NGF: variants seen among roughly 807,000 people sequenced by gnomAD.
NGF encodes the protein beta-nerve growth factor.
NGF carries 4 observed loss-of-function variants against 12.8 expected under a neutral mutation model. The ratio of observed to expected loss-of-function variants is 0.31; its 90% confidence interval spans 0.15 to 0.72. The LOEUF (loss-of-function observed/expected upper bound fraction) is 0.72. Ranked by LOEUF, NGF falls within the 30% of genes least tolerant of loss-of-function variation. The probability of loss-of-function intolerance (pLI) is 0.69; values close to 1 mark genes in which losing one functional copy is unlikely to be tolerated. For missense variants in NGF, 283 were observed against 330.8 expected (o/e 0.86, Z 1.12); for synonymous variants, 140 against 130.0 (o/e 1.08, Z -0.52).
Position 115,317,532 on chromosome 1 carries a change from CA to C in NGF, c.-137+20671del, listed in dbSNP as rs1196348262. ...CTATGAAGTCTGGATGCAGAATTCT[CA>C]AGTCTGGAATTCCTCCCACACATGG... is the stretch of plus-strand genomic sequence containing the variant. On this transcript the variant is annotated intron_variant, in intron 1 of 2. Transcript: ENST00000369512. Among the ~76,000 whole-genome samples the C allele has an allele frequency of 2.0e-5, 3 of 152,300 alleles. No homozygotes were observed. The East Asian group carries it at 5.8e-4, about 29-fold the overall frequency.
intron 2 of NGF, among the ~76,000 whole-genome samples, chr1:115,291,718 G>A (rs76544010): frequency 1.3e-4 from 20 of 152,284 alleles, no homozygotes; most frequent in East Asian, 3.9e-4. Flanking sequence ...TAAATTTCTC[G>A]CACGAGGTGA....
At position 115,309,158 on chromosome 1, in the gene NGF, C is replaced by A. The variant is rs528376552; in HGVS notation, c.-136-15408G>T. Among the ~76,000 whole-genome samples, 11 of 152,262 alleles carry A rather than the reference C, an allele frequency of 7.2e-5. No individual in the cohort carries two copies. In the South Asian group the frequency reaches 1.7e-3, roughly 23 times the overall value. The stretch of plus-strand genomic sequence containing the variant: ...AGCCATTCTTTGCACTCTAATAAGA[C>A]CCCTTTGTTATGCTGGTTAGAATTA... On this transcript the variant is annotated intron_variant, in intron 1 of 2. Transcript: ENST00000369512.
intron 1 of NGF, among the ~76,000 whole-genome samples, chr1:115,295,798 G>A (rs971368376): frequency 3.9e-5 from 6 of 152,088 alleles, no homozygotes; most frequent in African/African-American, 1.4e-4. Context: ...TGCTTAAGTA[G>A]TGCTTTCTCT....
At chr1:115,297,821 C>A (rs919298506) in intron 1 of NGF, among the ~76,000 whole-genome samples, 5 of 152,182 alleles carry the variant, frequency 3.3e-5, no homozygotes, top group Admixed American at 6.5e-5. Context: ...TTCTGGGAAG[C>A]TTTCCACACT....
chr1:115,322,805 C>G (rs997818346), intron 1 of NGF, among the ~76,000 whole-genome samples: 2 of 152,138 alleles, frequency 1.3e-5, no homozygotes, highest in African/African-American at 4.8e-5. Context: ...GATGCCATGG[C>G]GACGACCTTC....
intron 2 of NGF, among the ~76,000 whole-genome samples, chr1:115,292,904 G>C (rs1035573684): frequency 1.3e-5 from 2 of 151,680 alleles, no homozygotes; most frequent in African/African-American, 4.8e-5. Context: ...TATGCAACCA[G>C]AAAACACTAG....
At chr1:115,301,548 G>A (rs1342651663) in intron 1 of NGF, among the ~76,000 whole-genome samples, 1 of 152,156 alleles carries the variant, frequency 6.6e-6, no homozygotes, top group African/African-American at 2.4e-5. Context: ...GATGCCTCCT[G>A]TTCATCCCAT....
chr1:115,310,909 G>C (rs1350762683), intron 1 of NGF, among the ~76,000 whole-genome samples: 1 of 152,140 alleles, frequency 6.6e-6, no homozygotes, highest in African/African-American at 2.4e-5. Flanking sequence ...GGAGTGGGAG[G>C]AGGAGGAGGA....
At chr1:115,337,267 G>GTTTGTTTTTTTGTTTTTTTTTTTTTT in intron 1 of NGF, among the ~76,000 whole-genome samples, 1 of 81,030 alleles carries the variant, frequency 1.2e-5, no homozygotes, top group Non-Finnish European at 2.3e-5. Flanking sequence ...TTTTGTTTTT[G>GTTTGTTTTTTTGTTTTTTTTTTTTTT]TTTTTTTTTT....
intron 2 of NGF, 83 bp from the exon 3 acceptor site, chr1:115,286,890 C>A (rs924032474): frequency 9.8e-6 from 15 of 1,527,698 alleles, no homozygotes; most frequent in Non-Finnish European, 1.4e-5. Flanking sequence ...CAGAGTTGAC[C>A]TCCCAAGGGG....
chr1:115,333,701 CTTTCT>C (rs1655008554), intron 1 of NGF, among the ~76,000 whole-genome samples: 1 of 89,154 alleles, frequency 1.1e-5, no homozygotes, highest in Non-Finnish European at 2.1e-5. Context: ...TTCTTTCTTT[CTTTCT>C]TTCTTTCTTT....
chr1:115,286,033 G>C lies in NGF; in HGVS notation c.*37C>G. ...TTGAGGTAGGGAGGGGCCCAGGAGA[G>C]TGTAGAAGGGGCAGGGGGAGGGAGC... On this transcript the variant is annotated 3_prime_UTR_variant, in exon 3 of 3. Coordinates refer to ENST00000369512, the MANE Select transcript of NGF (RefSeq NM_002506.3). 1 of 1,610,244 alleles carries C rather than the reference G, an allele frequency of 6.2e-7. No individual in the cohort carries two copies. The highest frequency in any genetic ancestry group is 8.5e-7 in the Non-Finnish European group (1 of 1,178,410).
chr1:115,332,776 C>T (rs550007215), intron 1 of NGF, among the ~76,000 whole-genome samples: 1 of 152,300 alleles, frequency 6.6e-6, no homozygotes, highest in South Asian at 2.1e-4. Flanking sequence ...CCCCGTCCTT[C>T]CCCCTGCTTA....
At position 115,304,329 on chromosome 1, in the gene NGF, A is replaced by ATTTTTTTTTTTTT. The variant is rs58345237; in HGVS notation, c.-136-10592_-136-10580dup. 1.2e-3 allele frequency among the ~76,000 whole-genome samples: 96 copies of ATTTTTTTTTTTTT among 80,774 alleles called. 7 individuals are homozygous for ATTTTTTTTTTTTT. The highest frequency in any genetic ancestry group is 1.5e-3 in the Non-Finnish European group (58 of 39,548). The allele number at this position is 80,774 out of a possible 152,430, so 53.0% of individuals were successfully genotyped here. A position where few individuals can be genotyped will look rare whatever the true frequency, so the allele number is the denominator to read the frequency against. ...AGGAGCGCACCACCATGCTTGGCTA[A>ATTTTTTTTTTTTT]TTTTTTTTTTTTTTTTGTATTTTTA... On this transcript the variant is annotated intron_variant, in intron 1 of 2. Transcript: ENST00000369512.
Position 115,286,218 on chromosome 1 carries a change from T to C in NGF, c.578A>G (p.Asp193Gly). 6.2e-7 allele frequency: 1 copy of C among 1,614,050 alleles called. No individual in the cohort carries two copies. Among genetic ancestry groups the C allele is most frequent in the Non-Finnish European group, 8.5e-7 (1 of 1,180,008 alleles). ...NPVDSGCRGI[D>G]SKHWNSYCTT... is the part of the protein sequence containing the mutation. Reference sequence around the variant, plus strand: ...ACAATATGAGTTCCAGTGCTTTGAGTCAATGCCCCGGCACCCGCTGTCAAC... The same window carrying C: ...ACAATATGAGTTCCAGTGCTTTGAGCCAATGCCCCGGCACCCGCTGTCAAC... Residue 193 changes from aspartate to glycine, a missense_variant, in exon 3 of 3, where the codon GAC becomes GGC. Around this residue, in one of 2 missense-constraint regions of NGF, gnomAD observed 132 missense variants for 189.2 expected, o/e 0.70. Coordinates refer to ENST00000369512, the MANE Select transcript of NGF (RefSeq NM_002506.3).
At chr1:115,306,773 G>A (rs1238293742) in intron 1 of NGF, among the ~76,000 whole-genome samples, 1 of 152,218 alleles carries the variant, frequency 6.6e-6, no homozygotes, top group Non-Finnish European at 1.5e-5. Context: ...CTCAAGAATA[G>A]TGAGTATGAT....
intron 2 of NGF, among the ~76,000 whole-genome samples, chr1:115,292,790 T>C (rs983204276): frequency 2.6e-5 from 4 of 152,134 alleles, no homozygotes; most frequent in African/African-American, 7.2e-5. Flanking sequence ...AATCCAGATA[T>C]TAGGGAATAT....
intron 1 of NGF, among the ~76,000 whole-genome samples, chr1:115,319,319 C>T (rs1654554191): frequency 6.6e-6 from 1 of 152,186 alleles, no homozygotes; most frequent in Non-Finnish European, 1.5e-5. Context: ...TGCACAGACA[C>T]TGTTGCTCTC....
intron 2 of NGF, among the ~76,000 whole-genome samples, chr1:115,291,729 A>G (rs1653707047): frequency 6.6e-6 from 1 of 152,176 alleles, no homozygotes; most frequent in Non-Finnish European, 1.5e-5. Flanking sequence ...CACGAGGTGA[A>G]TGATCTTCAA....
Sources: gnomAD v4.1 joint callset for allele counts (sites outside exome capture counted in the v4.1 genomes callset) on GRCh38, gnomAD v4.1.1 for gene constraint, gnomAD v4.1.1 regional missense constraint, MANE v1.5 for transcripts, NCBI Gene and HGNC (gene_info 2026-07-23, HGNC 2026-07-21) for gene names.